Variants in NTM observed in about 807,000 individuals in gnomAD.
The protein encoded by NTM is IgLON family member 2.
NTM carries 13 observed loss-of-function variants against 42.1 expected under a neutral mutation model. The observed-to-expected ratio is 0.31, with a 90% confidence interval of 0.20 to 0.49. The LOEUF is 0.49. NTM is among the 20% of genes least tolerant of loss of function. The pLI, the probability that NTM is intolerant of heterozygous loss-of-function variation, is 0.99. For missense variants in NTM, 373 were observed against 452.8 expected, an observed-to-expected ratio of 0.82 and a Z score of 1.60; for synonymous variants, 187 against 179.2, an observed-to-expected ratio of 1.04 and a Z score of -0.35.
intron 1 of NTM, among the ~76,000 whole-genome samples, chr11:131,459,366 T>C (rs1366366746): frequency 1.3e-5 from 2 of 152,254 alleles, no homozygotes; most frequent in Non-Finnish European, 2.9e-5. Flanking sequence ...TGCACATCAC[T>C]GAAAGTCTAA....
chr11:131,593,674 G>A (rs928901019), intron 1 of NTM, among the ~76,000 whole-genome samples: 1 of 152,206 alleles, frequency 6.6e-6, no homozygotes, highest in Non-Finnish European at 1.5e-5. Context: ...CTGATAGTAC[G>A]TGGGCAAAGC....
At chr11:131,917,977 C>T (rs1168257324) in intron 2 of NTM, among the ~76,000 whole-genome samples, 5 of 152,220 alleles carry the variant, frequency 3.3e-5, no homozygotes, top group Admixed American at 2.0e-4. Context: ...CTACAGGGGG[C>T]CAGCTCAGTT....
In NTM at chr11:132,047,582, G is replaced by A. The variant is rs534240030; in HGVS notation, c.168-98700G>A. On this transcript the variant is annotated intron_variant, in intron 2 of 8. Coordinates refer to ENST00000683400, the MANE Select transcript of NTM (RefSeq NM_001352005.2). Reference sequence around the variant, plus strand: ...CTGGGATTCCTGGTCTGCGAGGCAGGGGAGTCAGCTAGAGCCTGGTCATCA... The same window carrying A: ...CTGGGATTCCTGGTCTGCGAGGCAGAGGAGTCAGCTAGAGCCTGGTCATCA... Among the ~76,000 whole-genome samples the A allele has an allele frequency of 3.9e-5, 6 of 152,322 alleles. No individual in the cohort carries two copies. In the South Asian group the frequency reaches 8.3e-4, roughly 21 times the overall value.
At chr11:131,503,744 A>G (rs899261251) in intron 1 of NTM, among the ~76,000 whole-genome samples, 1 of 152,040 alleles carries the variant, frequency 6.6e-6, no homozygotes, top group Non-Finnish European at 1.5e-5. Context: ...GCCTGGGCTC[A>G]AGTGATCCTC....
intron 1 of NTM, among the ~76,000 whole-genome samples, chr11:131,568,391 G>A (rs900661602): frequency 8.5e-5 from 13 of 152,168 alleles, no homozygotes; most frequent in Non-Finnish European, 1.6e-4. Context: ...CACAAGTGGG[G>A]AAGCTAAGGC....
At chr11:131,802,200 C>T (rs1472594532) in intron 1 of NTM, among the ~76,000 whole-genome samples, 1 of 152,092 alleles carries the variant, frequency 6.6e-6, no homozygotes, top group Non-Finnish European at 1.5e-5. Context: ...GGGAGAGAAC[C>T]TATTCATTTT....
chr11:132,074,296 C>G (rs111502561), intron 2 of NTM, among the ~76,000 whole-genome samples: 1 of 152,122 alleles, frequency 6.6e-6, no homozygotes, highest in Non-Finnish European at 1.5e-5. Context: ...TTCTCAGGGT[C>G]CATCACCATT....
intron 1 of NTM, among the ~76,000 whole-genome samples, chr11:131,389,012 C>CAAA (rs71475749): frequency 1.0e-4 from 10 of 98,302 alleles, no homozygotes; most frequent in African/African-American, 3.4e-4. Flanking sequence ...GACTTCATCA[C>CAAA]AAAAAAAAAA....
chr11:132,004,970 C>G (rs1042008872), intron 2 of NTM, among the ~76,000 whole-genome samples: 1 of 152,142 alleles, frequency 6.6e-6, no homozygotes, highest in South Asian at 2.1e-4. Flanking sequence ...CCTTACCACG[C>G]AGAATGACAA....
intron 1 of NTM, among the ~76,000 whole-genome samples, chr11:131,750,031 AT>A (rs1165588923): frequency 1.3e-5 from 2 of 152,174 alleles, no homozygotes; most frequent in African/African-American, 4.8e-5. Context: ...CAAGCTGGGC[AT>A]GCTGTCTGGG....
At chr11:131,658,159 T>C (rs1321211559) in intron 1 of NTM, among the ~76,000 whole-genome samples, 2 of 152,198 alleles carry the variant, frequency 1.3e-5, no homozygotes, top group African/African-American at 4.8e-5. Context: ...GCTAGGATCT[T>C]AGTTCCATTT....
At chr11:131,494,494 A>C (rs1955130407) in intron 1 of NTM, among the ~76,000 whole-genome samples, 1 of 152,220 alleles carries the variant, frequency 6.6e-6, no homozygotes, top group Admixed American at 6.5e-5. Flanking sequence ...CTTCCATGTT[A>C]TGGTAACCAA....
intron 1 of NTM, among the ~76,000 whole-genome samples, chr11:131,602,283 A>G (rs2060553220): frequency 6.6e-6 from 1 of 151,892 alleles, no homozygotes; most frequent in Non-Finnish European, 1.5e-5. Context: ...TTCTTGATTC[A>G]ACTATTCTCC....
At chr11:131,604,925 T>G (rs1223442156) in intron 1 of NTM, among the ~76,000 whole-genome samples, 1 of 152,120 alleles carries the variant, frequency 6.6e-6, no homozygotes, top group Non-Finnish European at 1.5e-5. Context: ...TCTATATGTC[T>G]GCCTTTATGT....
chr11:131,507,253 C>A (rs923499839), intron 1 of NTM, among the ~76,000 whole-genome samples: 9 of 151,990 alleles, frequency 5.9e-5, no homozygotes, highest in Non-Finnish European at 1.2e-4. Flanking sequence ...AGGAAGGGAT[C>A]CAGTTTCAGC....
chr11:132,330,226 G>C lies in NTM; in HGVS notation c.967+41G>C, dbSNP rs1173411482. On this transcript the variant is annotated intron_variant, in intron 8 of 8. Coordinates refer to ENST00000683400, the MANE Select transcript of NTM (RefSeq NM_001352005.2). Reference sequence around the variant, plus strand: ...AGACAGCTGCTGCCTTGGTGGGTGTGGGGTATGTAAAACTCTTCACCTTCC... The same window carrying C: ...AGACAGCTGCTGCCTTGGTGGGTGTCGGGTATGTAAAACTCTTCACCTTCC... 3 of 1,534,200 alleles carry C rather than the reference G, an allele frequency of 2.0e-6. No homozygotes were observed. In the South Asian group the frequency reaches 3.6e-5, roughly 18 times the overall value.
At chr11:132,223,047 A>T (rs992029473) in intron 4 of NTM, among the ~76,000 whole-genome samples, 1 of 152,208 alleles carries the variant, frequency 6.6e-6, no homozygotes, top group Non-Finnish European at 1.5e-5. Context: ...ATTTCGACAC[A>T]CACCAGTCCA....
intron 1 of NTM, among the ~76,000 whole-genome samples, chr11:131,590,951 G>A (rs1289425109): frequency 1.3e-5 from 2 of 152,178 alleles, no homozygotes; most frequent in East Asian, 3.9e-4. Flanking sequence ...CTGAAGTGAG[G>A]TGGGCTGGAG....
intron 1 of NTM, among the ~76,000 whole-genome samples, chr11:131,441,940 A>G (rs1273512305): frequency 1.3e-5 from 2 of 152,224 alleles, no homozygotes; most frequent in Non-Finnish European, 2.9e-5. Context: ...AAATGTCTAT[A>G]GAAGGCCCAT....
Sources: allele counts gnomAD v4.1 joint callset (sites outside exome capture counted in the v4.1 genomes callset), GRCh38; gene constraint gnomAD v4.1.1; transcripts MANE v1.5; gene names NCBI Gene and HGNC (gene_info 2026-07-23, HGNC 2026-07-21).